The following PLEKHN1 variants were observed in gnomAD, a reference collection of about 807,000 sequenced individuals.
PLEKHN1 encodes pleckstrin homology domain-containing family N member 1.
A neutral mutation model predicts 72.8 loss-of-function variants in PLEKHN1; 68 were observed. The observed-to-expected ratio is 0.93, with a 90% CI of 0.77 to 1.14. PLEKHN1 has a LOEUF of 1.14. Ranked by LOEUF, PLEKHN1 falls within the 50% of genes most tolerant of loss-of-function variation. The pLI is 0.00. For synonymous variants in PLEKHN1, 454 were observed against 371.6 expected (o/e 1.22, Z -2.55); for missense variants, 1,015 against 840.5 (o/e 1.21, Z -2.57).
intron 2 of PLEKHN1, among the ~76,000 whole-genome samples, chr1:969,146 G>A (rs574347768): frequency 5.3e-5 from 8 of 152,302 alleles, no homozygotes; most frequent in Admixed American, 5.2e-4. Context: ...GCAGACGTGG[G>A]AGGGTTTTGA....
At chr1:967,377 C>CCT (rs1491397599) in intron 2 of PLEKHN1, among the ~76,000 whole-genome samples, 1 of 758 alleles carries the variant, frequency 1.3e-3, no homozygotes, top group Non-Finnish European at 0.083. Context: ...CCCATGCCCA[C>CCT]CCCCCCCCCA....
chr1:972,741 G>A (rs1643404971), intron 10 of PLEKHN1, 120 bp from the exon 11 acceptor site: 3 of 1,297,876 alleles, frequency 2.3e-6, no homozygotes, highest in African/African-American at 1.5e-5. Flanking sequence ...ACTGCAGCCT[G>A]GGCGACAGAA....
chr1:972,783 G>A, intron 10 of PLEKHN1, 78 bp from the exon 11 acceptor site: 2 of 1,400,792 alleles, frequency 1.4e-6, no homozygotes, highest in South Asian at 1.5e-5. Context: ...TAAAAGGGGG[G>A]ACAGCACGGT....
chr1:973,302 C>A lies in PLEKHN1; in HGVS notation c.1269C>A (p.Thr423=). Residue 423 remains threonine (T), a synonymous_variant, in exon 12 of 16, where the codon ACC becomes ACA. Transcript: ENST00000379410. ...GGGCAGAGGGCCGCGGCCCTGTCAC[C>A]CCACTGCACCTGGACCTGACCCAGG... ...KARAEGRGPV[T]PLHLDLTQLH... 1.9e-6 allele frequency: 3 copies of A among 1,545,274 alleles called. No individual in the cohort carries two copies. The highest frequency in any genetic ancestry group is 2.4e-5 in the East Asian group (1 of 41,488).
chr1:970,248 C>T lies in PLEKHN1; in HGVS notation c.184-29C>T, dbSNP rs776376856. On this transcript the variant is annotated intron_variant, in intron 2 of 15. Transcript: ENST00000379410. The surrounding 1 kb of genome is among the most constrained non-coding windows in gnomAD (Gnocchi z 4.2). ...GAGGGGGTGGGGGGCCCAGGGGAGG[C>T]CCCCTCCCCTGAGCTCTACTCCTCC... 1.6e-5 allele frequency: 25 copies of T among 1,604,452 alleles called. No homozygotes were observed. Among genetic ancestry groups the T allele is most frequent in the Non-Finnish European group, 2.0e-5 (23 of 1,174,282 alleles).
chr1:972,003 G>A (rs1643355310), intron 8 of PLEKHN1, 72 bp from the exon 9 acceptor site: 1 of 1,424,756 alleles, frequency 7.0e-7, no homozygotes, highest in Non-Finnish European at 9.7e-7. Context: ...GAGGGCAAGA[G>A]GGTGGGATGA....
rs368157377 is a variant in PLEKHN1, at chr1:974,369, G to A, written c.1702+5G>A. 155 of 1,612,926 alleles carry A rather than the reference G, an allele frequency of 9.6e-5. No homozygotes were observed. The highest frequency in any genetic ancestry group is 1.3e-4 in the Non-Finnish European group (149 of 1,180,012). Reference sequence around the variant, plus strand: ...AACCCTGGCTGCCTCTGACAGGTGAGTAAGGATCCTGCCTCCTGAGGTGAG... The same window carrying A: ...AACCCTGGCTGCCTCTGACAGGTGAATAAGGATCCTGCCTCCTGAGGTGAG... On this transcript the variant is annotated splice_donor_5th_base_variant and intron_variant, in intron 15 of 15. Transcript: ENST00000379410.
chr1:975,193 A>T lies in PLEKHN1; in HGVS notation c.*618A>T, dbSNP rs1643552920. ...AGAGAGAGAGAGAATAAGAAAAGGA[A>T]GAAAGAAAAAGAAAAGATAGAATTT... On this transcript the variant is annotated 3_prime_UTR_variant, in exon 16 of 16. Coordinates refer to ENST00000379410, the MANE Select transcript of PLEKHN1 (RefSeq NM_032129.3). The T allele has an allele frequency of 6.6e-6, 1 of 152,526 alleles. No homozygotes were observed. Among genetic ancestry groups the T allele is most frequent in the African/African-American group, 2.4e-5 (1 of 41,436 alleles). The allele number at this position is 152,526 out of a possible 1,614,324, so 9.4% of individuals were successfully genotyped here.
intron 2 of PLEKHN1, among the ~76,000 whole-genome samples, chr1:968,932 CCT>C (rs1485791324): frequency 2.0e-5 from 3 of 152,180 alleles, no homozygotes; most frequent in Non-Finnish European, 4.4e-5. Flanking sequence ...CCCGTTGTCC[CCT>C]GAGTGAGGCA....
At chr1:973,751 G>A (rs962007538) in intron 13 of PLEKHN1, 82 bp from the exon 14 acceptor site, 38 of 1,562,832 alleles carry the variant, frequency 2.4e-5, no homozygotes, top group Non-Finnish European at 3.1e-5. Flanking sequence ...CAAGCCTGAG[G>A]TCTGTTCAGG....
chr1:969,650 G>A (rs996718605), intron 2 of PLEKHN1, among the ~76,000 whole-genome samples: 1 of 113,996 alleles, frequency 8.8e-6, no homozygotes, highest in Non-Finnish European at 1.5e-5. Context: ...ATGTGTGCAC[G>A]TGTGTATCCA....
In PLEKHN1 at chr1:966,713, C is replaced by T. The variant is rs1309930666; in HGVS notation, c.93C>T (p.Ser31=). The T allele has an allele frequency of 7.0e-6, 11 of 1,575,212 alleles. No individual in the cohort carries two copies. The highest frequency in any genetic ancestry group is 2.3e-5 in the South Asian group (2 of 86,836). The stretch of plus-strand genomic sequence containing the variant: ...CTTGCCTTGTCCCCAGAGAGGACAG[C>T]GCGCGGATGTCGGCCGGCCTGCCGG... ...KPSLKGNRED[S]ARMSAGLPGP... is the part of the protein sequence containing the mutation. The change falls in exon 2 of 16, where the codon AGC becomes AGT. Residue 31 remains serine, a synonymous_variant. Coordinates refer to ENST00000379410, the MANE Select transcript of PLEKHN1 (RefSeq NM_032129.3).
In PLEKHN1 at chr1:971,290, C is replaced by T. The variant is rs1255633576; in HGVS notation, c.709-34C>T. The T allele has an allele frequency of 3.2e-6, 5 of 1,555,768 alleles. No homozygotes were observed. The East Asian group carries it at 9.6e-5, about 30-fold the overall frequency. On this transcript the variant is annotated intron_variant, in intron 7 of 15. Transcript: ENST00000379410. ...AGGGCGGTGCAACAGCAGCTCAGTT[C>T]CCTCATCGCCTGACCCCACCCCCAC... is the stretch of plus-strand genomic sequence containing the variant.
Position 974,564 on chromosome 1 carries a change from C to T in PLEKHN1, c.1825C>T (p.Gln609Ter). 1 of 1,611,494 alleles carries T rather than the reference C, an allele frequency of 6.2e-7. No homozygotes were observed. ...GGPEASGGLV[Q>*]WI ...GCCTGAGGCCAGTGGGGGGCTTGTGCAGTGGATCTGATGGCCGCGGTGAGG... is the reference window on the plus strand; with the variant it reads ...GCCTGAGGCCAGTGGGGGGCTTGTGTAGTGGATCTGATGGCCGCGGTGAGG... The change falls in exon 16 of 16, where the codon CAG becomes TAG. Residue 609 changes from glutamine to a stop codon, truncating the protein, a stop_gained. Coordinates refer to ENST00000379410, the MANE Select transcript of PLEKHN1 (RefSeq NM_032129.3). LOFTEE classifies it high-confidence loss of function.
Position 973,006 on chromosome 1 carries a change from C to T in PLEKHN1, c.1148C>T (p.Thr383Ile). The change falls in exon 11 of 16, where the codon ACA becomes ATA. Residue 383 changes from threonine (T) to isoleucine (I), a missense_variant. Coordinates refer to ENST00000379410, the MANE Select transcript of PLEKHN1 (RefSeq NM_032129.3). ...PSTVGCSSQH[T>I]PDQANSDRAS... ...ACCGTGGGCTGCTCCTCCCAGCACA[C>T]ACCGGTGAGCGCTTACGGGGTGGCA... The T allele has an allele frequency of 1.3e-6, 2 of 1,598,558 alleles. No homozygotes were observed. Among genetic ancestry groups the T allele is most frequent in the South Asian group, 1.1e-5 (1 of 88,956 alleles).
In PLEKHN1 at chr1:970,555, C is replaced by T. The variant is rs1258170936; in HGVS notation, c.365C>T (p.Ala122Val). 1 of 1,613,004 alleles carries T rather than the reference C, an allele frequency of 6.2e-7. No individual in the cohort carries two copies. The highest frequency in any genetic ancestry group is 8.5e-7 in the Non-Finnish European group (1 of 1,179,972). ...VSDCYLELFP[A>V]HLYFQAHGSE... ...GACTGCTACCTGGAGCTATTCCCCG[C>T]CCACCTGTACTTCCAGGCCCACGGC... Residue 122 changes from alanine (A) to valine (V), a missense_variant, in exon 4 of 16, where the codon GCC (alanine) becomes GTC (valine). By Grantham distance (64) the Ala-to-Val change is moderately conservative. Transcript: ENST00000379410. This position sits in a 1 kb window ranked among gnomAD's most constrained non-coding sequence, Gnocchi z 4.2.
chr1:971,650 G>T (rs1262075120), intron 8 of PLEKHN1: 1 of 597,572 alleles, frequency 1.7e-6, no homozygotes, highest in South Asian at 2.0e-5. Flanking sequence ...GGGGCTGAGA[G>T]CCCCTCCCGG....
intron 10 of PLEKHN1, 26 bp downstream of exon 10, chr1:972,450 C>A: frequency 1.9e-6 from 3 of 1,541,514 alleles, no homozygotes; most frequent in Non-Finnish European, 2.6e-6. Flanking sequence ...GCCCCACAGC[C>A]CAGGTCCTGG....
intron 2 of PLEKHN1, among the ~76,000 whole-genome samples, chr1:967,561 G>A (rs988166586): frequency 2.0e-5 from 3 of 152,106 alleles, no homozygotes; most frequent in African/African-American, 7.2e-5. Context: ...CAGGCCCTAG[G>A]AGCATCTGCG....
Sources: gnomAD v4.1 joint callset for allele counts (sites outside exome capture counted in the v4.1 genomes callset) on GRCh38, gnomAD v4.1.1 for gene constraint, Gnocchi (gnomAD v3.1) non-coding constraint, MANE v1.5 for transcripts, NCBI Gene and HGNC (gene_info 2026-07-23, HGNC 2026-07-21) for gene names.